The following FERMT3 variants were observed in gnomAD, a reference collection of about 807,000 sequenced individuals.
FERMT3 encodes the protein FERM domain containing kindlin 3.
In FERMT3, 33 loss-of-function variants were observed where a neutral mutation model predicts 80.8. The ratio of observed to expected loss-of-function variants is 0.41; its 90% CI spans 0.31 to 0.55. The LOEUF is 0.55. Among genes scored for constraint, FERMT3 ranks in the 20% least tolerant of loss-of-function variants. FERMT3 has a pLI of 0.31. For missense variants in FERMT3, 754 were observed against 908.7 expected, an observed-to-expected ratio of 0.83 and a Z score of 2.19; for synonymous variants, 375 against 372.2, an observed-to-expected ratio of 1.01 and a Z score of -0.09.
Position 64,219,922 on chromosome 11 carries a change from C to G in FERMT3, c.1111C>G (p.Gln371Glu). The stretch of plus-strand genomic sequence containing the variant: ...GAAGCTGACCCTGAAGGGCTACCGC[C>G]AACACTGGGTGGTGTTCAAGGAGAC... ...PRKLTLKGYR[Q>E]HWVVFKETTL... is the part of the protein sequence containing the mutation. The change falls in exon 10 of 15, where the codon CAA (glutamine) becomes GAA (glutamate). Residue 371 changes from glutamine to glutamate, a missense_variant. Transcript: ENST00000345728. The surrounding 1 kb of genome is among the most constrained non-coding windows in gnomAD (Gnocchi z 4.0). The G allele has an allele frequency of 1.2e-6, 2 of 1,613,968 alleles. No individual in the cohort carries two copies. Among genetic ancestry groups the G allele is most frequent in the Non-Finnish European group, 1.7e-6 (2 of 1,180,016 alleles).
chr11:64,207,813 C>G (rs1287099067), intron 2 of FERMT3: 4 of 343,316 alleles, frequency 1.2e-5, no homozygotes, highest in Non-Finnish European at 2.2e-5. Context: ...TTGTCTGGGC[C>G]GAGGCTGAAG....
At chr11:64,218,132 T>C (rs1946592840) in intron 6 of FERMT3, among the ~76,000 whole-genome samples, 2 of 151,164 alleles carry the variant, frequency 1.3e-5, no homozygotes, top group African/African-American at 4.9e-5. Context: ...GCGTCCTGAG[T>C]AGCTGGGATT....
At position 64,210,905 on chromosome 11, in the gene FERMT3, G is replaced by C. The variant is rs978729330; in HGVS notation, c.394+61G>C. On this transcript the variant is annotated intron_variant, in intron 3 of 14. Transcript: ENST00000345728. This position sits in a 1 kb window ranked among gnomAD's most constrained non-coding sequence, Gnocchi z 4.3. The stretch of plus-strand genomic sequence containing the variant: ...GTGATGCAAAGAGGCAGGTTCCCCC[G>C]TTTCCAGGCCCAGCTCTGTTGACGC... 25 of 1,608,856 alleles carry C rather than the reference G, an allele frequency of 1.6e-5. No individual in the cohort carries two copies. The highest frequency in any genetic ancestry group is 2.0e-5 in the Non-Finnish European group (23 of 1,178,980).
At chr11:64,208,603 G>A (rs956977367) in intron 2 of FERMT3, among the ~76,000 whole-genome samples, 9 of 152,348 alleles carry the variant, frequency 5.9e-5, no homozygotes, top group African/African-American at 1.9e-4. Context: ...TGGGGGCTGC[G>A]TGCCGGCTGC....
intron 6 of FERMT3, among the ~76,000 whole-genome samples, chr11:64,216,472 T>G (rs1946552614): frequency 6.8e-6 from 1 of 146,070 alleles, no homozygotes. Context: ...GTGCTGGGAT[T>G]ACAGGCGTGA....
At chr11:64,217,356 C>T (rs4077964) in intron 6 of FERMT3, among the ~76,000 whole-genome samples, 1 of 152,194 alleles carries the variant, frequency 6.6e-6, no homozygotes, top group Admixed American at 6.5e-5. Context: ...TTGAGACCAG[C>T]CTGATCAACA....
chr11:64,208,408 A>C (rs1946363623), intron 2 of FERMT3, among the ~76,000 whole-genome samples: 1 of 152,308 alleles, frequency 6.6e-6, no homozygotes, highest in African/African-American at 2.4e-5. Context: ...CTTAACCTGG[A>C]GTCAGACAGA....
rs977349618 is a variant in FERMT3 at position 64,223,479 on chromosome 11, A to G, written c.1979A>G (p.His660Arg). The G allele has an allele frequency of 2.5e-5, 41 of 1,609,856 alleles. No homozygotes were observed. Among genetic ancestry groups the G allele is most frequent in the Non-Finnish European group, 3.4e-5 (40 of 1,179,852 alleles). The change falls in exon 15 of 15, where the codon CAT (histidine) becomes CGT (arginine). Residue 660 changes from histidine to arginine, a missense_variant. His to Arg is a conservative substitution (Grantham distance 29). Coordinates refer to ENST00000345728, the MANE Select transcript of FERMT3 (RefSeq NM_031471.6). The part of the protein sequence containing the change: ...EDLFLQLTGG[H>R]EAF The stretch of plus-strand genomic sequence containing the variant: ...CTCTTCCTGCAGCTCACCGGGGGCC[A>G]TGAGGCCTTCTGAGGGCTGTCTGAT...
In FERMT3 at chr11:64,219,937, T is replaced by G. The variant is rs1400797152; in HGVS notation, c.1126T>G (p.Phe376Val). ...GGGCTACCGCCAACACTGGGTGGTG[T>G]TCAAGGAGACCACACTGTCCTACTA... is the stretch of plus-strand genomic sequence containing the variant. ...LKGYRQHWVVFKETTLSYYKS... is the reference protein window; with the variant it reads ...LKGYRQHWVVVKETTLSYYKS... Residue 376 changes from phenylalanine to valine, a missense_variant, in exon 10 of 15, where the codon TTC becomes GTC. Transcript: ENST00000345728. The surrounding 1 kb of genome is among the most constrained non-coding windows in gnomAD (Gnocchi z 4.0). 3.7e-6 allele frequency: 6 copies of G among 1,613,618 alleles called. No homozygotes were observed. Among genetic ancestry groups the G allele is most frequent in the South Asian group, 1.1e-5 (1 of 91,076 alleles).
intron 13 of FERMT3, among the ~76,000 whole-genome samples, chr11:64,222,029 A>G (rs1020553993): frequency 1.3e-5 from 2 of 152,126 alleles, no homozygotes; most frequent in Non-Finnish European, 1.5e-5. Flanking sequence ...ATTTGAGGTC[A>G]GGAGTGTGAG....
chr11:64,218,719 CT>C, intron 6 of FERMT3, among the ~76,000 whole-genome samples: 1 of 152,198 alleles, frequency 6.6e-6, no homozygotes, highest in Non-Finnish European at 1.5e-5. Flanking sequence ...GAGTCTCTGC[CT>C]TCCCAGTTCC....
chr11:64,213,291 A>G (rs1222503141), intron 6 of FERMT3, among the ~76,000 whole-genome samples: 4 of 146,728 alleles, frequency 2.7e-5, no homozygotes, highest in African/African-American at 1.0e-4. Flanking sequence ...AGCCTCCCAA[A>G]GTGCTGGGGT....
At chr11:64,215,024 G>C (rs1946521506) in intron 6 of FERMT3, among the ~76,000 whole-genome samples, 1 of 151,958 alleles carries the variant, frequency 6.6e-6, no homozygotes, top group Non-Finnish European at 1.5e-5. Flanking sequence ...TGGCCAAGCT[G>C]GTCTCGAACT....
Position 64,211,387 on chromosome 11 carries a change from G to A in FERMT3, c.627G>A (p.Leu209=). The part of the protein sequence containing the change: ...SRPQPPPDPL[L]LQRLPRPSSL... ...CCCAGCCGCCACCCGACCCCCTCCT[G>A]CTCCAGCGTCTGCCACGGCCCAGCT... The change falls in exon 5 of 15, where the codon CTG becomes CTA. Residue 209 remains leucine (L), a synonymous_variant. Coordinates refer to ENST00000345728, the MANE Select transcript of FERMT3 (RefSeq NM_031471.6). This position sits in a 1 kb window ranked among gnomAD's most constrained non-coding sequence, Gnocchi z 4.7. 1.2e-6 allele frequency: 2 copies of A among 1,607,626 alleles called. No homozygotes were observed. The highest frequency in any genetic ancestry group is 1.7e-6 in the Non-Finnish European group (2 of 1,178,004).
Position 64,211,596 on chromosome 11 carries a change from C to T in FERMT3, c.684-49C>T, listed in dbSNP as rs1196300609. On this transcript the variant is annotated intron_variant, in intron 5 of 14. Transcript: ENST00000345728. The surrounding 1 kb of genome is among the most constrained non-coding windows in gnomAD (Gnocchi z 4.7). ...CCCAGCCCAGCCCCCCTCCCCACCC[C>T]ACGGCCGTACCTGGCGCAGCCCTGA... 3 of 1,593,010 alleles carry T rather than the reference C, an allele frequency of 1.9e-6. No homozygotes were observed. The African/African-American group carries it at 4.0e-5, about 21-fold the overall frequency.
At position 64,219,580 on chromosome 11, in the gene FERMT3, C is replaced by T. The variant is rs768723190; in HGVS notation, c.951C>T (p.Asp317=). Reference sequence around the variant, plus strand: ...AGGTGGGGGAGCCGGCTGGCACAGACCCAGGGCTGGACGACCTGGATGTGG... The same window carrying T: ...AGGTGGGGGAGCCGGCTGGCACAGATCCAGGGCTGGACGACCTGGATGTGG... ...SGEVGEPAGT[D]PGLDDLDVAL... is the part of the protein sequence containing the mutation. Residue 317 remains aspartate, a synonymous_variant, in exon 8 of 15, where the codon GAC becomes GAT. Transcript: ENST00000345728. The surrounding 1 kb of genome is among the most constrained non-coding windows in gnomAD (Gnocchi z 4.0). The T allele has an allele frequency of 1.2e-6, 2 of 1,612,478 alleles. No homozygotes were observed. Among genetic ancestry groups the T allele is most frequent in the Middle Eastern group, 1.6e-4 (1 of 6,062 alleles).
intron 6 of FERMT3, among the ~76,000 whole-genome samples, chr11:64,212,701 C>T (rs1336190359): frequency 1.3e-5 from 2 of 151,856 alleles, no homozygotes; most frequent in African/African-American, 4.8e-5. Flanking sequence ...ATGTTCCCTC[C>T]TCCTCTCCAT....
intron 2 of FERMT3, among the ~76,000 whole-genome samples, chr11:64,208,514 C>T (rs576669995): frequency 1.1e-3 from 169 of 152,344 alleles, no homozygotes; most frequent in African/African-American, 3.9e-3. Flanking sequence ...AGCACATCAG[C>T]TCTGTCTACT....
At chr11:64,216,178 G>C (rs1162468395) in intron 6 of FERMT3, among the ~76,000 whole-genome samples, 3 of 149,404 alleles carry the variant, frequency 2.0e-5, no homozygotes, top group Admixed American at 6.7e-5. Context: ...TATGAGTGCA[G>C]TGCTTTAGCT....
Sources: allele counts gnomAD v4.1 joint callset (sites outside exome capture counted in the v4.1 genomes callset), GRCh38; gene constraint gnomAD v4.1.1; non-coding constraint Gnocchi (gnomAD v3.1); transcripts MANE v1.5; gene names NCBI Gene and HGNC (gene_info 2026-07-23, HGNC 2026-07-21).